EDIL3: variants seen among roughly 807,000 people sequenced by gnomAD.
The protein encoded by EDIL3 is EGF-like repeat and discoidin I-like domain-containing protein 3.
In EDIL3, 37 loss-of-function variants were observed where a neutral mutation model predicts 67.4. That is an observed-to-expected ratio of 0.55 (90% confidence interval 0.42 to 0.72). The LOEUF (loss-of-function observed/expected upper bound fraction) is 0.72, where lower values mean the gene tolerates loss of function less well. Ranked by LOEUF, EDIL3 falls within the 30% of genes least tolerant of loss-of-function variation. EDIL3 has a pLI of 0.00. For synonymous variants in EDIL3, 195 were observed against 196.3 expected, an observed-to-expected ratio of 0.99 and a Z score of 0.05; for missense variants, 527 against 586.3, an observed-to-expected ratio of 0.90 and a Z score of 1.04.
intron 1 of EDIL3, among the ~76,000 whole-genome samples, chr5:84,316,384 C>T (rs1022232750): frequency 1.4e-4 from 21 of 152,084 alleles, no homozygotes; most frequent in African/African-American, 5.1e-4. Context: ...TGCAAAGACA[C>T]ATATAGGCTC....
At chr5:84,197,699 G>C (rs1222762248) in intron 3 of EDIL3, among the ~76,000 whole-genome samples, 1 of 151,160 alleles carries the variant, frequency 6.6e-6, no homozygotes, top group East Asian at 1.9e-4. Flanking sequence ...GTTAAGCATA[G>C]CTAAATTTGT....
chr5:84,011,881 C>T (rs565306000), intron 9 of EDIL3, among the ~76,000 whole-genome samples: 6 of 152,220 alleles, frequency 3.9e-5, no homozygotes, highest in Non-Finnish European at 8.8e-5. Context: ...CTCTCTCTAT[C>T]GATTTTGCCT....
At chr5:84,214,186 A>G (rs1366050019) in intron 3 of EDIL3, among the ~76,000 whole-genome samples, 1 of 152,222 alleles carries the variant, frequency 6.6e-6, no homozygotes, top group Non-Finnish European at 1.5e-5. Context: ...AAGAATTACT[A>G]AGCAAAAGTA....
intron 1 of EDIL3, among the ~76,000 whole-genome samples, chr5:84,261,037 A>G (rs974060018): frequency 6.6e-6 from 1 of 152,174 alleles, no homozygotes; most frequent in African/African-American, 2.4e-5. Context: ...TCTTCAATCT[A>G]TTGCTTTCTT....
chr5:84,032,057 C>T (rs373346680), intron 9 of EDIL3, among the ~76,000 whole-genome samples: 1 of 152,118 alleles, frequency 6.6e-6, no homozygotes, highest in East Asian at 1.9e-4. Context: ...TAGCTAAATG[C>T]CATTCCCCAT....
chr5:84,184,819 T>C (rs1749080484), intron 3 of EDIL3, among the ~76,000 whole-genome samples: 1 of 152,152 alleles, frequency 6.6e-6, no homozygotes, highest in Admixed American at 6.5e-5. Flanking sequence ...AATTGGTACA[T>C]TGGAGCTCAT....
At chr5:84,138,568 A>G (rs1423384480) in intron 4 of EDIL3, among the ~76,000 whole-genome samples, 1 of 152,244 alleles carries the variant, frequency 6.6e-6, no homozygotes, top group Non-Finnish European at 1.5e-5. Context: ...GTCTTGGGCT[A>G]TTACAGTTGC....
chr5:84,266,256 T>C (rs1181132957), intron 1 of EDIL3, among the ~76,000 whole-genome samples: 1 of 152,164 alleles, frequency 6.6e-6, no homozygotes, highest in Non-Finnish European at 1.5e-5. Flanking sequence ...CACTTAGTGG[T>C]ATTCAGTCTC....
rs554703372 is a variant in EDIL3, at chr5:84,203,486, G to A, written c.227-22965C>T. Among the ~76,000 whole-genome samples, 4 of 152,192 alleles carry A rather than the reference G, an allele frequency of 2.6e-5. No individual in the cohort carries two copies. The South Asian group carries it at 8.3e-4, about 32-fold the overall frequency. On this transcript the variant is annotated intron_variant, in intron 3 of 10. Coordinates refer to ENST00000296591, the MANE Select transcript of EDIL3 (RefSeq NM_005711.5). ...CTCTCAAAAGGAATCTGAATCTCAG[G>A]GCTGATGTTGGTGTGCCAGCAACAC... is the stretch of plus-strand genomic sequence containing the variant.
chr5:84,104,189 G>A (rs897422113), intron 6 of EDIL3, among the ~76,000 whole-genome samples: 2 of 151,870 alleles, frequency 1.3e-5, no homozygotes, highest in Admixed American at 6.6e-5. Context: ...GGGAACACAC[G>A]GACACATAGA....
At chr5:84,309,002 T>G (rs1746327204) in intron 1 of EDIL3, among the ~76,000 whole-genome samples, 1 of 152,170 alleles carries the variant, frequency 6.6e-6, no homozygotes, top group Non-Finnish European at 1.5e-5. Context: ...GTCGAATTTC[T>G]TTTCAAAGTT....
intron 2 of EDIL3, among the ~76,000 whole-genome samples, chr5:84,246,432 A>T (rs1744911047): frequency 6.6e-6 from 1 of 152,254 alleles, no homozygotes; most frequent in Non-Finnish European, 1.5e-5. Context: ...TGTTCCAGAG[A>T]TGAATATCCA....
At chr5:84,260,613 T>C (rs1270551488) in intron 1 of EDIL3, among the ~76,000 whole-genome samples, 1 of 152,192 alleles carries the variant, frequency 6.6e-6, no homozygotes, top group Non-Finnish European at 1.5e-5. Context: ...CATGTTGAAC[T>C]CTTTCTTACA....
chr5:84,111,593 C>T (rs1272890974), intron 5 of EDIL3, among the ~76,000 whole-genome samples: 1 of 152,112 alleles, frequency 6.6e-6, no homozygotes, highest in Non-Finnish European at 1.5e-5. Context: ...TTAAAAGATT[C>T]ACATTCTAGT....
intron 1 of EDIL3, among the ~76,000 whole-genome samples, chr5:84,353,623 T>A (rs1747410724): frequency 6.6e-6 from 1 of 152,152 alleles, no homozygotes; most frequent in African/African-American, 2.4e-5. Flanking sequence ...AATAAATAAT[T>A]GATTGCTTGA....
At chr5:84,287,306 A>G (rs545812925) in intron 1 of EDIL3, among the ~76,000 whole-genome samples, 1 of 152,266 alleles carries the variant, frequency 6.6e-6, no homozygotes, top group South Asian at 2.1e-4. Context: ...TGAAATTATT[A>G]TTATTAAGAA....
In EDIL3 at chr5:84,169,002, G is replaced by T. The variant is rs145607439; in HGVS notation, c.355+11391C>A. ...TCTCTTAATCACTCACCATGCTCCA[G>T]ACACATACCCATCTTAGGATTCAAT... On this transcript the variant is annotated intron_variant, in intron 4 of 10. Transcript: ENST00000296591. Among the ~76,000 whole-genome samples the T allele has an allele frequency of 3.8e-3, 579 of 152,116 alleles. 2 individuals are homozygous for T. Among genetic ancestry groups the T allele is most frequent in the African/African-American group, 0.013 (544 of 41,492 alleles).
At chr5:84,178,374 T>A (rs956919228) in intron 4 of EDIL3, among the ~76,000 whole-genome samples, 3 of 152,174 alleles carry the variant, frequency 2.0e-5, no homozygotes, top group Non-Finnish European at 4.4e-5. Context: ...ATTACCACCA[T>A]GAAAAACAAA....
chr5:84,048,620 C>T (rs879469330), intron 9 of EDIL3, among the ~76,000 whole-genome samples: 27 of 152,076 alleles, frequency 1.8e-4, no homozygotes, highest in Admixed American at 3.3e-4. Context: ...GGGATTGTGA[C>T]ATTTTCCTTC....
Sources: allele counts gnomAD v4.1 joint callset (sites outside exome capture counted in the v4.1 genomes callset), GRCh38; gene constraint gnomAD v4.1.1; transcripts MANE v1.5; gene names NCBI Gene and HGNC (gene_info 2026-07-23, HGNC 2026-07-21).